The following CES5A variants were observed in gnomAD, a reference collection of about 807,000 sequenced individuals.
CES5A encodes the protein carboxylesterase 5A.
A neutral mutation model predicts 62.9 loss-of-function variants in CES5A; 67 were observed. The observed-to-expected ratio is 1.07, with a 90% CI of 0.88 to 1.31. CES5A has a LOEUF of 1.31. Ranked by LOEUF, CES5A falls within the 50% of genes most tolerant of loss-of-function variation. The probability of loss-of-function intolerance (pLI) is 0.00; values close to 1 mark genes in which losing one functional copy is unlikely to be tolerated. For synonymous variants in CES5A, 296 were observed against 280.8 expected (o/e 1.05, Z -0.54); for missense variants, 748 against 708.5 (o/e 1.06, Z -0.63).
intron 1 of CES5A, among the ~76,000 whole-genome samples, chr16:55,895,512 C>T (rs2033922847): frequency 6.6e-6 from 1 of 152,218 alleles, no homozygotes. Context: ...TGTATGGAGC[C>T]TGTTACTACT....
intron 1 of CES5A, among the ~76,000 whole-genome samples, chr16:55,909,341 C>G (rs2034069474): frequency 6.6e-6 from 1 of 152,182 alleles, no homozygotes; most frequent in South Asian, 2.1e-4. Flanking sequence ...AGTTAATCTG[C>G]TAACTTCAAC....
At chr16:55,953,064 T>C (rs955238665) in intron 1 of CES5A, among the ~76,000 whole-genome samples, 7 of 152,164 alleles carry the variant, frequency 4.6e-5, no homozygotes, top group Admixed American at 4.6e-4. Context: ...AACGGAAGAA[T>C]AGTCCAACAT....
chr16:55,897,508 G>A (rs932727688), intron 1 of CES5A, among the ~76,000 whole-genome samples: 1 of 152,122 alleles, frequency 6.6e-6, no homozygotes, highest in African/African-American at 2.4e-5. Flanking sequence ...AAACCAAAGG[G>A]ATCAGTCCTA....
intron 1 of CES5A, among the ~76,000 whole-genome samples, chr16:55,893,195 C>A (rs1024357217): frequency 1.2e-4 from 18 of 152,188 alleles, no homozygotes; most frequent in African/African-American, 3.6e-4. Context: ...CTTGTTTCTA[C>A]ACCTTTGAGA....
At chr16:55,918,229 C>T (rs2034167508) in intron 1 of CES5A, among the ~76,000 whole-genome samples, 1 of 152,164 alleles carries the variant, frequency 6.6e-6, no homozygotes, top group Admixed American at 6.5e-5. Context: ...GCTGCAGGCC[C>T]AGAGAGGTAC....
chr16:55,874,833 C>T (rs1010477520), intron 1 of CES5A, among the ~76,000 whole-genome samples: 6 of 152,158 alleles, frequency 3.9e-5, no homozygotes, highest in South Asian at 2.1e-4. Context: ...AAAGTCCTGT[C>T]GCCGCAGCCA....
At chr16:55,865,199 T>C (rs1224215879) in intron 5 of CES5A, among the ~76,000 whole-genome samples, 4 of 151,992 alleles carry the variant, frequency 2.6e-5, no homozygotes, top group Non-Finnish European at 5.9e-5. Context: ...AAAGCGAAAC[T>C]CCATCTCAAA....
At chr16:55,912,665 G>A (rs1213886788) in intron 1 of CES5A, among the ~76,000 whole-genome samples, 1 of 152,066 alleles carries the variant, frequency 6.6e-6, no homozygotes, top group Non-Finnish European at 1.5e-5. Flanking sequence ...AAGAAATAGC[G>A]ACCTGGGAAG....
chr16:55,847,095 C>T (rs2033029827), intron 11 of CES5A, among the ~76,000 whole-genome samples: 1 of 152,154 alleles, frequency 6.6e-6, no homozygotes, highest in South Asian at 2.1e-4. Context: ...TGCAGCCAGT[C>T]CCATGAGGCT....
intron 1 of CES5A, among the ~76,000 whole-genome samples, chr16:55,897,982 T>C (rs2033951567): frequency 1.3e-5 from 2 of 152,196 alleles, no homozygotes; most frequent in African/African-American, 2.4e-5. Context: ...AAAGCATATA[T>C]ACTGAATAAG....
upstream of CES5A, among the ~76,000 whole-genome samples, chr16:55,926,686 G>A (rs1356634914): frequency 6.6e-6 from 1 of 152,162 alleles, no homozygotes; most frequent in African/African-American, 2.4e-5. Flanking sequence ...GCTGGAGAAG[G>A]ACTCTCTGGT....
At chr16:55,871,914 C>G (rs75888384) in intron 2 of CES5A, 151 bp from the exon 3 acceptor site, 14 of 699,918 alleles carry the variant, frequency 2.0e-5, no homozygotes, top group African/African-American at 1.1e-4. Context: ...CATGCCCAAA[C>G]CCCCATGGTT....
At position 55,875,338 on chromosome 16, in the gene CES5A, G is replaced by C; in HGVS notation, c.-117C>G. 2 of 1,503,314 alleles carry C rather than the reference G, an allele frequency of 1.3e-6. No homozygotes were observed. Among genetic ancestry groups the C allele is most frequent in the South Asian group, 2.7e-5 (2 of 73,566 alleles). 93.1% of individuals were successfully genotyped at this position (1,503,314 alleles called of 1,614,324 possible). ...GGCAAATGCTGAATAGGCAGGCAGA[G>C]GCAGCAGAGTTACTGAAGATCAGCA... On this transcript the variant is annotated 5_prime_UTR_variant, in exon 1 of 13. Transcript: ENST00000290567.
rs778717480 is a variant in CES5A, at chr16:55,846,483, GGAGA to G, written c.1692_1695del (p.Leu565SerfsTer52). On this transcript the variant is annotated frameshift_variant, in exon 13 of 13. Coordinates refer to ENST00000290567, the MANE Select transcript of CES5A (RefSeq NM_001143685.2). LOFTEE classifies it low-confidence loss of function (END_TRUNC). ...GCACAAAAGAAAAAGAAAGGCTGGAGGAGAGAGAGGAAAGTTAAGGAAGAAAGAG... is the reference window on the plus strand; with the variant it reads ...GCACAAAAGAAAAAGAAAGGCTGGAGGAGAGGAAAGTTAAGGAAGAAAGAG... 2.5e-6 allele frequency: 4 copies of G among 1,613,940 alleles called. No homozygotes were observed. The highest frequency in any genetic ancestry group is 3.3e-5 in the Admixed American group (2 of 60,020).
intron 1 of CES5A, among the ~76,000 whole-genome samples, chr16:55,886,871 TA>T (rs2033821211): frequency 1.3e-5 from 2 of 151,908 alleles, no homozygotes; most frequent in Admixed American, 1.3e-4. Flanking sequence ...CATGATTACA[TA>T]GGATGTAATC....
rs1218243085 is a variant in CES5A, at chr16:55,892,726, A to AC, written c.-255-18690_-255-18689insG. Among the ~76,000 whole-genome samples, 10 of 151,910 alleles carry AC rather than the reference A, an allele frequency of 6.6e-5. No homozygotes were observed. In the East Asian group the frequency reaches 9.6e-4, roughly 15 times the overall value. On this transcript the variant is annotated intron_variant, in intron 1 of 12. Transcript: ENST00000518005. ...CACTCTAACAACAACAACAACAACA[A>AC]AAAAAAATAGTGGATAGACTTCTAA...
At chr16:55,902,183 C>T (rs984384733) in intron 1 of CES5A, among the ~76,000 whole-genome samples, 11 of 152,136 alleles carry the variant, frequency 7.2e-5, no homozygotes, top group African/African-American at 2.2e-4. Context: ...CCAGGGCAGC[C>T]GGCAGCAGGG....
Position 55,853,021 on chromosome 16 carries a change from G to A in CES5A, c.1133C>T (p.Pro378Leu), listed in dbSNP as rs142407165. 291 of 1,614,010 alleles carry A rather than the reference G, an allele frequency of 1.8e-4. No individual in the cohort carries two copies. In the African/African-American group the frequency reaches 3.6e-3, roughly 20 times the overall value. ...AGCCACAAGGTGCAAATACTGAGGC[G>A]GGATGTGCTGTAAAAATATCGTAGT... ...LHLIQNILHI[P>L]PQYLHLVANE... is the part of the protein sequence containing the mutation. The change falls in exon 10 of 13, where the codon CCG becomes CTG. Residue 378 changes from proline to leucine, a missense_variant. By Grantham distance (98) the Pro-to-Leu change is moderately conservative (BLOSUM62 -3). Transcript: ENST00000290567.
intron 1 of CES5A, among the ~76,000 whole-genome samples, chr16:55,874,419 C>T (rs572724603): frequency 3.6e-4 from 55 of 152,234 alleles, no homozygotes; most frequent in Non-Finnish European, 7.6e-4. Flanking sequence ...TTCTGTCACT[C>T]CACACCCTCC....
Sources: allele counts gnomAD v4.1 joint callset (sites outside exome capture counted in the v4.1 genomes callset), GRCh38; gene constraint gnomAD v4.1.1; transcripts MANE v1.5; gene names NCBI Gene and HGNC (gene_info 2026-07-23, HGNC 2026-07-21).